MAGI2: variants seen among roughly 807,000 people sequenced by gnomAD.
MAGI2 encodes membrane-associated guanylate kinase, WW and PDZ domain-containing protein 2.
MAGI2 carries 35 observed loss-of-function variants against 133.3 expected under a neutral mutation model. That is an observed-to-expected ratio of 0.26 (90% CI 0.20 to 0.35). The LOEUF (loss-of-function observed/expected upper bound fraction) is 0.35, where lower values mean the gene tolerates loss of function less well. Among genes scored for constraint, MAGI2 ranks in the 10% least tolerant of loss-of-function variants. The probability of loss-of-function intolerance (pLI) is 1.00; values close to 1 mark genes in which losing one functional copy is unlikely to be tolerated. For synonymous variants in MAGI2, 729 were observed against 710.6 expected, an observed-to-expected ratio of 1.03 and a Z score of -0.41; for missense variants, 1,636 against 1,863.4, an observed-to-expected ratio of 0.88 and a Z score of 2.25.
chr7:78,515,911 G>T (rs1796002035), intron 4 of MAGI2, among the ~76,000 whole-genome samples: 1 of 151,462 alleles, frequency 6.6e-6, no homozygotes, highest in Admixed American at 6.6e-5. Flanking sequence ...AAAAAAAAAG[G>T]TCCTTGTTCT....
Position 78,882,930 on chromosome 7 carries a change from C to A in MAGI2, c.418+124160G>T, listed in dbSNP as rs114872561. 2.2e-3 allele frequency among the ~76,000 whole-genome samples: 328 copies of A among 152,178 alleles called. 6 individuals carry two copies. The highest frequency in any genetic ancestry group is 7.6e-3 in the African/African-American group (314 of 41,522). ...TGAACAGGAAAAAGCTGGAAGCACT[C>A]CCTTAAGAATAGAAAGAAGATAAGG... On this transcript the variant is annotated intron_variant, in intron 2 of 21. Coordinates refer to ENST00000354212, the MANE Select transcript of MAGI2 (RefSeq NM_012301.4).
intron 2 of MAGI2, among the ~76,000 whole-genome samples, chr7:78,997,209 A>T (rs896611350): frequency 6.6e-6 from 1 of 152,298 alleles, no homozygotes. Flanking sequence ...TGCATGCAGA[A>T]AAAGCAACTT....
chr7:79,416,264 G>A (rs1402244475), intron 1 of MAGI2, among the ~76,000 whole-genome samples: 1 of 152,040 alleles, frequency 6.6e-6, no homozygotes, highest in African/African-American at 2.4e-5. Flanking sequence ...CTAAAAGTGA[G>A]GGAGGGTAAA....
chr7:79,131,544 C>T (rs1455364591), intron 1 of MAGI2, among the ~76,000 whole-genome samples: 1 of 152,076 alleles, frequency 6.6e-6, no homozygotes, highest in African/African-American at 2.4e-5. Flanking sequence ...ATGTTGTTAC[C>T]TGCATTTTAC....
chr7:78,936,745 G>A (rs1482519114), intron 2 of MAGI2, among the ~76,000 whole-genome samples: 4 of 152,026 alleles, frequency 2.6e-5, no homozygotes, highest in Non-Finnish European at 1.5e-5. Flanking sequence ...GTAAAGATAG[G>A]TTCCTCTACT....
intron 2 of MAGI2, among the ~76,000 whole-genome samples, chr7:78,711,470 C>G (rs990951620): frequency 5.1e-5 from 7 of 138,320 alleles, no homozygotes; most frequent in Non-Finnish European, 1.0e-4. Flanking sequence ...TGCTTTTGCT[C>G]TCTAATTTTG....
intron 4 of MAGI2, among the ~76,000 whole-genome samples, chr7:78,521,005 C>A (rs1796448130): frequency 6.6e-6 from 1 of 152,086 alleles, no homozygotes; most frequent in Non-Finnish European, 1.5e-5. Context: ...GAGAGAAGTG[C>A]AAGCATAGCA....
chr7:78,170,410 G>A (rs1159439229), intron 14 of MAGI2: 1 of 152,126 alleles, frequency 6.6e-6, no homozygotes, highest in Non-Finnish European at 1.5e-5. Context: ...TAAAAGATCT[G>A]CTTTTCTACC....
At chr7:78,853,358 TTTTTTTTTTTTTTTTG>T (rs1793334433) in intron 2 of MAGI2, among the ~76,000 whole-genome samples, 4 of 106,946 alleles carry the variant, frequency 3.7e-5, no homozygotes, top group Admixed American at 9.3e-5. Context: ...TTTTTTTTTT[TTTTTTTTTTTTTTTTG>T]AGACAGAGTC....
At chr7:78,602,142 G>A (rs1337556098) in intron 3 of MAGI2, among the ~76,000 whole-genome samples, 2 of 152,002 alleles carry the variant, frequency 1.3e-5, no homozygotes, top group African/African-American at 4.8e-5. Context: ...TATAATTTCA[G>A]GAGATTAAGT....
At chr7:79,314,168 T>C (rs914801485) in intron 1 of MAGI2, among the ~76,000 whole-genome samples, 1 of 152,194 alleles carries the variant, frequency 6.6e-6, no homozygotes, top group Non-Finnish European at 1.5e-5. Context: ...GAGACGGGGT[T>C]TCATCATGTT....
chr7:78,153,827 T>A (rs1824125292), intron 16 of MAGI2, among the ~76,000 whole-genome samples: 1 of 152,218 alleles, frequency 6.6e-6, no homozygotes, highest in African/African-American at 2.4e-5. Context: ...TTTTATATTT[T>A]AAATGACAAA....
chr7:78,354,044 G>A (rs1252480320), intron 7 of MAGI2, among the ~76,000 whole-genome samples: 1 of 152,114 alleles, frequency 6.6e-6, no homozygotes, highest in Non-Finnish European at 1.5e-5. Context: ...CAACCAAGTA[G>A]GAAAGCTGTG....
At chr7:78,036,423 TA>T (rs1291345721) in intron 21 of MAGI2, among the ~76,000 whole-genome samples, 12 of 148,330 alleles carry the variant, frequency 8.1e-5, no homozygotes, top group African/African-American at 1.5e-4. Flanking sequence ...ATAATGATGG[TA>T]AAAAAACCAG....
Position 78,603,756 on chromosome 7 carries a change from C to T in MAGI2, c.538+23364G>A, listed in dbSNP as rs143645647. Among the ~76,000 whole-genome samples the T allele has an allele frequency of 2.8e-3, 428 of 152,162 alleles. 10 individuals are homozygous for T. The East Asian group carries it at 0.056, about 20-fold the overall frequency. Reference sequence around the variant, plus strand: ...CAGGCTGGTCTTGAACTTGTGACCTCGTGATTTATCCGCCTCAGCCTCCCA... The same window carrying T: ...CAGGCTGGTCTTGAACTTGTGACCTTGTGATTTATCCGCCTCAGCCTCCCA... On this transcript the variant is annotated intron_variant, in intron 3 of 21. Transcript: ENST00000354212.
chr7:78,336,211 T>C (rs1789742535), intron 9 of MAGI2, among the ~76,000 whole-genome samples: 1 of 152,168 alleles, frequency 6.6e-6, no homozygotes. Flanking sequence ...AAAAAATACA[T>C]ATATATACAC....
intron 2 of MAGI2, among the ~76,000 whole-genome samples, chr7:78,652,188 A>G (rs1227517474): frequency 6.6e-6 from 1 of 152,154 alleles, no homozygotes; most frequent in Non-Finnish European, 1.5e-5. Flanking sequence ...AAGATTTTAC[A>G]TATGTGAATT....
intron 1 of MAGI2, among the ~76,000 whole-genome samples, chr7:79,269,376 G>T (rs1834709354): frequency 6.6e-6 from 1 of 152,124 alleles, no homozygotes; most frequent in African/African-American, 2.4e-5. Context: ...TGAAATATGG[G>T]TTGCTCAGAA....
At chr7:78,365,023 T>A (rs929427456) in intron 7 of MAGI2, among the ~76,000 whole-genome samples, 1 of 152,190 alleles carries the variant, frequency 6.6e-6, no homozygotes, top group African/African-American at 2.4e-5. Context: ...TTTAAAAAGA[T>A]GTTGAGTAGG....
Sources: allele counts gnomAD v4.1 joint callset (sites outside exome capture counted in the v4.1 genomes callset), GRCh38; gene constraint gnomAD v4.1.1; transcripts MANE v1.5; gene names NCBI Gene and HGNC (gene_info 2026-07-23, HGNC 2026-07-21).